Variants in MILR1 observed in about 807,000 individuals in gnomAD.
MILR1 encodes the protein allergin-1.
A neutral mutation model predicts 18.5 loss-of-function variants in MILR1; 31 were observed. The observed-to-expected ratio is 1.68, with a 90% CI of 1.26 to 2.26. The LOEUF is 2.26. Ranked by LOEUF, MILR1 falls within the 30% of genes most tolerant of loss-of-function variation. The pLI is 0.00. For synonymous variants in MILR1, 85 were observed against 56.2 expected (o/e 1.51, Z -2.30); for missense variants, 257 against 157.4 (o/e 1.63, Z -3.38).
the MILR1 span, chr17:64,485,117 T>G: frequency 2.0e-5 from 3 of 152,364 alleles, no homozygotes; most frequent in Non-Finnish European, 4.4e-5. Context: ...CTTTTCAAGA[T>G]ACATTCTTCT....
intron 5 of MILR1, among the ~76,000 whole-genome samples, chr17:64,462,922 G>A (rs931760390): frequency 1.3e-5 from 2 of 150,604 alleles, no homozygotes; most frequent in African/African-American, 2.4e-5. Context: ...CATTACGCCC[G>A]GCCCACAGTT....
In MILR1 at chr17:64,449,370, CTTCT is replaced by C. The variant is rs1273110938; in HGVS notation, c.97+21_97+24del. ...GAAAACAAATGGTAAGTTTCATTTA[CTTCT>C]TTCTTATTGAAACCATTTTCACTGA... On this transcript the variant is annotated intron_variant, in intron 2 of 9. Transcript: ENST00000619286. 2.2e-6 allele frequency: 1 copy of C among 462,686 alleles called. No homozygotes were observed. The highest frequency in any genetic ancestry group is 4.0e-6 in the Non-Finnish European group (1 of 252,364). 28.7% of individuals were successfully genotyped at this position (462,686 alleles called of 1,614,324 possible). A position where few individuals can be genotyped will look rare whatever the true frequency, so the allele number is the denominator to read the frequency against.
chr17:64,457,373 TTTTCATGTTCAC>T lies in MILR1; in HGVS notation c.368-20_368-9del, dbSNP rs376335885. 202 of 472,902 alleles carry T rather than the reference TTTTCATGTTCAC, an allele frequency of 4.3e-4. 1 individual carries two copies. The East Asian group carries it at 6.3e-3, about 15-fold the overall frequency. 29.3% of individuals were successfully genotyped at this position (472,902 alleles called of 1,614,324 possible). A position where few individuals can be genotyped will look rare whatever the true frequency, so the allele number is the denominator to read the frequency against. On this transcript the variant is annotated splice_polypyrimidine_tract_variant and intron_variant, in intron 3 of 9. Coordinates refer to ENST00000619286, the MANE Select transcript of MILR1 (RefSeq NM_001085423.2). ...GTGAGCACACCCAGTCTGTTTATCC[TTTTCATGTTCAC>T]TTTCATTCTTCCAGACCCGGTGACT...
chr17:64,467,935 CAAAAAAA>C (rs112297771), intron 9 of MILR1: 5 of 159,068 alleles, frequency 3.1e-5, no homozygotes, highest in East Asian at 2.1e-4. Flanking sequence ...GACTTCATCT[CAAAAAAA>C]AAAAAAAAAA....
chr17:64,468,936 A>C (rs2037642551), downstream of MILR1, among the ~76,000 whole-genome samples: 1 of 151,936 alleles, frequency 6.6e-6, no homozygotes, highest in South Asian at 2.1e-4. Flanking sequence ...AATACAAAAA[A>C]ATTAGCTGGG....
chr17:64,458,070 T>G (rs1008727021), intron 4 of MILR1, among the ~76,000 whole-genome samples: 112 of 152,264 alleles, frequency 7.4e-4, no homozygotes, highest in Non-Finnish European at 1.1e-3. Flanking sequence ...GTCTTTTAGT[T>G]TTCTTTGTTT....
chr17:64,456,434 G>T (rs1330792281), intron 3 of MILR1, among the ~76,000 whole-genome samples: 1 of 152,078 alleles, frequency 6.6e-6, no homozygotes, highest in African/African-American at 2.4e-5. Flanking sequence ...AATCTAGTTA[G>T]CAGGGTTACT....
chr17:64,493,853 C>A, the MILR1 span, among the ~76,000 whole-genome samples: 1 of 152,134 alleles, frequency 6.6e-6, no homozygotes, highest in Non-Finnish European at 1.5e-5. Context: ...CACTTGTATA[C>A]CCTTTACCTA....
chr17:64,477,937 CA>C, the MILR1 span: 1 of 1,613,872 alleles, frequency 6.2e-7, no homozygotes, highest in Non-Finnish European at 8.5e-7. Context: ...ATCCATTCTC[CA>C]AAGTAGTTTC....
chr17:64,483,054 TGTTTAAATATAACACAA>T, the MILR1 span: 28 of 860,666 alleles, frequency 3.3e-5, no homozygotes, highest in African/African-American at 1.7e-4. Flanking sequence ...AAGCATAGTT[TGTTTAAATATAACACAA>T]GTTTAAATAT....
chr17:64,451,139 T>A (rs891129833), intron 2 of MILR1, among the ~76,000 whole-genome samples: 74 of 74,438 alleles, frequency 9.9e-4, no homozygotes, highest in African/African-American at 2.3e-3. Context: ...TATTTAGGGT[T>A]TTTTTTTTTC....
the MILR1 span, among the ~76,000 whole-genome samples, chr17:64,483,676 T>A: frequency 4.6e-5 from 7 of 151,988 alleles, no homozygotes; most frequent in Admixed American, 2.0e-4. Flanking sequence ...TCTTCTCTTT[T>A]TATATATATT....
the MILR1 span, among the ~76,000 whole-genome samples, chr17:64,476,920 T>C: frequency 3.9e-5 from 6 of 151,948 alleles, no homozygotes; most frequent in African/African-American, 1.4e-4. Flanking sequence ...TTACAGGCAC[T>C]ATCAGTTGGA....
At position 64,465,511 on chromosome 17, in the gene MILR1, A is replaced by T. The variant is rs1555662959; in HGVS notation, c.823A>T (p.Ile275Phe). 4 of 1,610,432 alleles carry T rather than the reference A, an allele frequency of 2.5e-6. No individual in the cohort carries two copies. Among genetic ancestry groups the T allele is most frequent in the Non-Finnish European group, 3.4e-6 (4 of 1,178,512 alleles). The change falls in exon 6 of 10, where the codon ATC becomes TTC. Residue 275 changes from isoleucine to phenylalanine, a missense_variant. Physicochemically the swap from Ile to Phe is conservative, Grantham distance 21. Transcript: ENST00000619286. ...TGGAGACACAGCCATGGAAGTTGGA[A>T]TCTATGCAAATATCCTTGAAAAACA... ...DRGDTAMEVG[I>F]YANILEKQAK... is the part of the protein sequence containing the mutation.
the MILR1 span, among the ~76,000 whole-genome samples, chr17:64,475,665 CAACA>C: frequency 7.1e-6 from 1 of 140,054 alleles, no homozygotes; most frequent in African/African-American, 2.8e-5. Flanking sequence ...AAAAAAAAAA[CAACA>C]AAAAAAGTAC....
At chr17:64,450,187 C>G (rs895990624) in intron 2 of MILR1, among the ~76,000 whole-genome samples, 4 of 152,118 alleles carry the variant, frequency 2.6e-5, no homozygotes, top group Non-Finnish European at 4.4e-5. Flanking sequence ...ATCCGCCCAC[C>G]TTGGCCTCCC....
At chr17:64,463,130 C>T (rs1267892938) in intron 5 of MILR1, among the ~76,000 whole-genome samples, 2 of 152,100 alleles carry the variant, frequency 1.3e-5, no homozygotes, top group African/African-American at 4.8e-5. Context: ...CTACATCCAG[C>T]AGAAAACTTG....
the MILR1 span, among the ~76,000 whole-genome samples, chr17:64,481,761 T>C: frequency 6.6e-6 from 1 of 151,758 alleles, no homozygotes; most frequent in South Asian, 2.1e-4. Context: ...TGTAATCCCA[T>C]CTACTAGGGA....
At chr17:64,490,163 T>G in the MILR1 span, among the ~76,000 whole-genome samples, 29 of 152,188 alleles carry the variant, frequency 1.9e-4, no homozygotes, top group South Asian at 6.0e-3. Context: ...GACCTCATGA[T>G]CCTCCCACTT....
Sources: allele counts gnomAD v4.1 joint callset (sites outside exome capture counted in the v4.1 genomes callset), GRCh38; gene constraint gnomAD v4.1.1; transcripts MANE v1.5; gene names NCBI Gene and HGNC (gene_info 2026-07-23, HGNC 2026-07-21).